The following PPP2R3A variants were observed in gnomAD, a reference collection of about 807,000 sequenced individuals.
PPP2R3A encodes the protein protein phosphatase 2 regulatory subunit B''alpha.
PPP2R3A carries 80 observed loss-of-function variants against 106.9 expected under a neutral mutation model. The observed-to-expected ratio is 0.75, with a 90% CI of 0.62 to 0.90. The LOEUF (loss-of-function observed/expected upper bound fraction) is 0.90. PPP2R3A is among the 40% of genes least tolerant of loss of function. The pLI is 0.00. For missense variants in PPP2R3A, 1,386 were observed against 1,350.4 expected (o/e 1.03, Z -0.41); for synonymous variants, 483 against 468.3 (o/e 1.03, Z -0.41).
intron 6 of PPP2R3A, among the ~76,000 whole-genome samples, chr3:136,070,769 A>G (rs1030071000): frequency 2.6e-5 from 4 of 152,206 alleles, no homozygotes; most frequent in African/African-American, 9.6e-5. Context: ...TTAAAGTAAT[A>G]TATTCCTTCT....
At chr3:136,044,602 A>G (rs899103231) in intron 4 of PPP2R3A, among the ~76,000 whole-genome samples, 1 of 150,164 alleles carries the variant, frequency 6.7e-6, no homozygotes, top group South Asian at 2.1e-4. Context: ...AAAGACAAGG[A>G]TGTTAAGATG....
At chr3:135,982,794 C>CGTA (rs1471215791) in intron 1 of PPP2R3A, among the ~76,000 whole-genome samples, 1 of 152,154 alleles carries the variant, frequency 6.6e-6, no homozygotes, top group Non-Finnish European at 1.5e-5. Flanking sequence ...CATGCATACA[C>CGTA]ACACACCTTT....
chr3:135,994,508 C>T (rs1201595404), intron 1 of PPP2R3A, among the ~76,000 whole-genome samples: 1 of 152,172 alleles, frequency 6.6e-6, no homozygotes, highest in Non-Finnish European at 1.5e-5. Context: ...ACTCCATTTT[C>T]TGTGGTACCT....
rs60878314 is a variant in PPP2R3A, at chr3:136,098,879, CA to C, written c.2928-3127del. Among the ~76,000 whole-genome samples the C allele has an allele frequency of 6.5e-4, 99 of 152,242 alleles. 1 individual carries two copies. In the East Asian group the frequency reaches 0.018, roughly 28 times the overall value. On this transcript the variant is annotated intron_variant, in intron 10 of 13. Coordinates refer to ENST00000264977, the MANE Select transcript of PPP2R3A (RefSeq NM_002718.5). ...TTTATAGAAAGTTTGTTTAAATGAA[CA>C]GTTGATCTTCAGGTCATGTCCTCTA...
chr3:136,087,917 T>C lies in PPP2R3A; in HGVS notation c.2823T>C (p.Ser941=), dbSNP rs755487385. Residue 941 remains serine, a synonymous_variant, in exon 9 of 14, where the codon TCT becomes TCC. Transcript: ENST00000264977. ...GCAGGATTATTGAAAGGATATTCTC[T>C]GGTGCAGTAACAAGGTAAGAAAACG... ...SSSRIIERIF[S]GAVTRGKTIQ... 4 of 1,610,234 alleles carry C rather than the reference T, an allele frequency of 2.5e-6. No homozygotes were observed. In the East Asian group the frequency reaches 8.9e-5, roughly 36 times the overall value.
At chr3:136,085,403 T>C (rs1936900662) in intron 8 of PPP2R3A, among the ~76,000 whole-genome samples, 1 of 152,140 alleles carries the variant, frequency 6.6e-6, no homozygotes, top group African/African-American at 2.4e-5. Context: ...TAAACCTCTT[T>C]CCTTTATAAA....
At chr3:136,025,586 G>A (rs2107820513) in intron 2 of PPP2R3A, among the ~76,000 whole-genome samples, 1 of 151,936 alleles carries the variant, frequency 6.6e-6, no homozygotes, top group Admixed American at 6.6e-5. Flanking sequence ...ATTTTTAAGG[G>A]TAGCTAAAAT....
At chr3:136,022,816 C>A in intron 2 of PPP2R3A, 1 of 1,247,654 alleles carries the variant, frequency 8.0e-7, no homozygotes, top group Middle Eastern at 3.3e-4. Flanking sequence ...AGGCCCACTG[C>A]AGGCTGTGTT....
At chr3:135,968,012 A>C (rs1290857194) in intron 1 of PPP2R3A, among the ~76,000 whole-genome samples, 1 of 152,164 alleles carries the variant, frequency 6.6e-6, no homozygotes, top group African/African-American at 2.4e-5. Context: ...GAGGACCAAA[A>C]TCACCCTTAG....
chr3:136,088,183 A>C (rs1482427220), intron 9 of PPP2R3A, among the ~76,000 whole-genome samples: 3 of 152,142 alleles, frequency 2.0e-5, no homozygotes, highest in Non-Finnish European at 2.9e-5. Context: ...TGGTGTATGG[A>C]GGATCCTGTC....
At chr3:136,038,233 T>C (rs945242546) in intron 3 of PPP2R3A, among the ~76,000 whole-genome samples, 1 of 152,176 alleles carries the variant, frequency 6.6e-6, no homozygotes. Context: ...ACCCTCCTGC[T>C]GTATAACACT....
intron 12 of PPP2R3A, among the ~76,000 whole-genome samples, chr3:136,104,671 T>C (rs894806825): frequency 2.0e-5 from 3 of 152,144 alleles, no homozygotes; most frequent in African/African-American, 7.2e-5. Flanking sequence ...CTATAATGCA[T>C]TGCAATTTTA....
At chr3:136,073,505 A>G (rs189885715) in intron 6 of PPP2R3A, among the ~76,000 whole-genome samples, 6 of 152,344 alleles carry the variant, frequency 3.9e-5, no homozygotes, top group Admixed American at 6.5e-5. Context: ...TTTATCTCCA[A>G]TGCACAAAAG....
intron 11 of PPP2R3A, among the ~76,000 whole-genome samples, chr3:136,102,705 C>G (rs975151825): frequency 6.6e-6 from 1 of 152,040 alleles, no homozygotes; most frequent in East Asian, 1.9e-4. Context: ...ACACCAGGCA[C>G]AGTGGTGTAT....
chr3:135,988,669 C>T (rs1933029077), intron 1 of PPP2R3A, among the ~76,000 whole-genome samples: 1 of 152,230 alleles, frequency 6.6e-6, no homozygotes, highest in Non-Finnish European at 1.5e-5. Flanking sequence ...TCTGGTGTTC[C>T]TTTTGCTTCC....
chr3:136,049,973 A>G (rs920206336), intron 5 of PPP2R3A, among the ~76,000 whole-genome samples: 23 of 152,352 alleles, frequency 1.5e-4, no homozygotes, highest in Admixed American at 4.6e-4. Context: ...CCACCAGACT[A>G]CAAAGGTAGT....
At chr3:136,042,055 T>C (rs145660081) in intron 4 of PPP2R3A, among the ~76,000 whole-genome samples, 92 of 152,380 alleles carry the variant, frequency 6.0e-4, no homozygotes, top group Admixed American at 1.3e-3. Flanking sequence ...TTGTTATTAT[T>C]ATTTAACATC....
chr3:136,102,896 T>G (rs1559921306), intron 11 of PPP2R3A, among the ~76,000 whole-genome samples: 1 of 152,084 alleles, frequency 6.6e-6, no homozygotes, highest in East Asian at 1.9e-4. Context: ...AGAAAGCACA[T>G]GAGGAGAGAT....
At chr3:136,046,193 T>C (rs1935464654) in intron 4 of PPP2R3A, among the ~76,000 whole-genome samples, 1 of 152,012 alleles carries the variant, frequency 6.6e-6, no homozygotes, top group African/African-American at 2.4e-5. Context: ...GACAGAAAAC[T>C]GTAATCCCAG....
Sources: gnomAD v4.1 joint callset for allele counts (sites outside exome capture counted in the v4.1 genomes callset) on GRCh38, gnomAD v4.1.1 for gene constraint, MANE v1.5 for transcripts, NCBI Gene and HGNC (gene_info 2026-07-23, HGNC 2026-07-21) for gene names.